Variants in MAGI2 observed in about 807,000 individuals in gnomAD.
MAGI2 encodes membrane-associated guanylate kinase, WW and PDZ domain-containing protein 2.
Under a neutral mutation model 133.3 loss-of-function variants are expected in MAGI2, and 35 were observed. The ratio of observed to expected loss-of-function variants is 0.26; its 90% confidence interval spans 0.20 to 0.35. MAGI2 has a LOEUF of 0.35. MAGI2 is among the 10% of genes least tolerant of loss of function. The pLI, the probability that MAGI2 is intolerant of heterozygous loss-of-function variation, is 1.00. For missense variants in MAGI2, 1,636 were observed against 1,863.4 expected (o/e 0.88, Z 2.25); for synonymous variants, 729 against 710.6 (o/e 1.03, Z -0.41).
At chr7:78,170,715 T>G (rs1470039909) in intron 14 of MAGI2, 1 of 152,062 alleles carries the variant, frequency 6.6e-6, no homozygotes, top group Non-Finnish European at 1.5e-5. Context: ...TATATTTATT[T>G]CTAAATAGGC....
intron 7 of MAGI2, among the ~76,000 whole-genome samples, chr7:78,349,709 T>A (rs562812842): frequency 6.6e-6 from 1 of 152,300 alleles, no homozygotes; most frequent in Admixed American, 6.5e-5. Context: ...ACAGAACATT[T>A]CCATTGTCAC....
intron 21 of MAGI2, among the ~76,000 whole-genome samples, chr7:78,041,736 T>A (rs1308437323): frequency 6.6e-6 from 1 of 152,176 alleles, no homozygotes; most frequent in Non-Finnish European, 1.5e-5. Flanking sequence ...GCTTCCTGAA[T>A]GCCAGTTGGT....
rs115112916 is a variant in MAGI2 at position 79,453,347 on chromosome 7, C to T, written c.-27G>A. On this transcript the variant is annotated 5_prime_UTR_variant, in exon 1 of 22. Transcript: ENST00000354212. Reference sequence around the variant, plus strand: ...GCAGTGGGGCGAGTCGCCTCAGTTCCTGGGCTCCTTGGGGTTAGGGGGGCT... The same window carrying T: ...GCAGTGGGGCGAGTCGCCTCAGTTCTTGGGCTCCTTGGGGTTAGGGGGGCT... The T allele has an allele frequency of 3.4e-3, 5,308 of 1,581,346 alleles. 87 individuals are homozygous for T. In the African/African-American group the frequency reaches 0.042, roughly 12 times the overall value.
At chr7:79,145,222 T>C (rs1047305920) in intron 1 of MAGI2, among the ~76,000 whole-genome samples, 4 of 152,210 alleles carry the variant, frequency 2.6e-5, no homozygotes, top group African/African-American at 9.7e-5. Flanking sequence ...ATTTTTCTGT[T>C]AGAAATATAC....
At chr7:78,949,488 A>T (rs1348682767) in intron 2 of MAGI2, among the ~76,000 whole-genome samples, 1 of 152,194 alleles carries the variant, frequency 6.6e-6, no homozygotes, top group Non-Finnish European at 1.5e-5. Context: ...ATGGCCATTG[A>T]TAAGAAGGGT....
chr7:78,924,755 C>T (rs1427749708), intron 2 of MAGI2, among the ~76,000 whole-genome samples: 1 of 151,796 alleles, frequency 6.6e-6, no homozygotes, highest in Non-Finnish European at 1.5e-5. Flanking sequence ...GTGCCTATTG[C>T]CCAGGAAAAG....
chr7:79,005,351 A>G (rs1249097539), intron 2 of MAGI2, among the ~76,000 whole-genome samples: 1 of 152,126 alleles, frequency 6.6e-6, no homozygotes, highest in Non-Finnish European at 1.5e-5. Flanking sequence ...AGGATTTCCA[A>G]TTAAATTTAT....
intron 3 of MAGI2, among the ~76,000 whole-genome samples, chr7:78,580,205 T>C (rs1206158593): frequency 6.6e-6 from 1 of 152,136 alleles, no homozygotes; most frequent in Non-Finnish European, 1.5e-5. Flanking sequence ...ATTAATAAGA[T>C]AGATCAAAAA....
intron 2 of MAGI2, among the ~76,000 whole-genome samples, chr7:78,682,810 T>C (rs1355571019): frequency 6.6e-6 from 1 of 152,184 alleles, no homozygotes; most frequent in Non-Finnish European, 1.5e-5. Flanking sequence ...TAAATCATTG[T>C]ACTATTGATG....
At chr7:79,093,938 C>T (rs938737438) in intron 1 of MAGI2, among the ~76,000 whole-genome samples, 1 of 152,180 alleles carries the variant, frequency 6.6e-6, no homozygotes, top group South Asian at 2.1e-4. Context: ...TGGTCTCAAA[C>T]TCCTGACCTC....
chr7:79,214,271 T>TA (rs1829763341), intron 1 of MAGI2, among the ~76,000 whole-genome samples: 1 of 150,354 alleles, frequency 6.7e-6, no homozygotes, highest in Non-Finnish European at 1.5e-5. Context: ...GAACAAGCCT[T>TA]TTGATGGGCA....
chr7:78,794,589 C>G (rs1487670028), intron 2 of MAGI2, among the ~76,000 whole-genome samples: 1 of 144,050 alleles, frequency 6.9e-6, no homozygotes. Context: ...TTTACTTGTC[C>G]TGTTCATGCA....
At chr7:78,508,662 A>G (rs1474162050) in intron 4 of MAGI2, among the ~76,000 whole-genome samples, 1 of 152,138 alleles carries the variant, frequency 6.6e-6, no homozygotes, top group African/African-American at 2.4e-5. Context: ...TGTGCATGTA[A>G]GCATGCTCTC....
chr7:79,310,923 C>T (rs1264577211), intron 1 of MAGI2, among the ~76,000 whole-genome samples: 2 of 141,972 alleles, frequency 1.4e-5, no homozygotes, highest in Admixed American at 7.6e-5. Context: ...TCCCATATTT[C>T]TCTCACTTTA....
intron 21 of MAGI2, chr7:78,065,593 A>G (rs1276386926): frequency 4.3e-6 from 3 of 696,640 alleles, no homozygotes; most frequent in Non-Finnish European, 7.8e-6. Flanking sequence ...AGGGTGGCCC[A>G]ATAAGTAGAA....
At chr7:78,343,641 C>T in intron 9 of MAGI2, 137 bp downstream of exon 9, 2 of 541,180 alleles carry the variant, frequency 3.7e-6, no homozygotes, top group Non-Finnish European at 5.8e-6. Context: ...TTAGGGGAAA[C>T]ATAATTTATG....
At chr7:79,356,483 A>C (rs1004024909) in intron 1 of MAGI2, among the ~76,000 whole-genome samples, 2 of 152,194 alleles carry the variant, frequency 1.3e-5, no homozygotes, top group Non-Finnish European at 2.9e-5. Context: ...AAGCAAAAAA[A>C]GTTTCCAAAT....
intron 2 of MAGI2, among the ~76,000 whole-genome samples, chr7:78,858,892 A>G (rs1793898523): frequency 6.6e-6 from 1 of 152,052 alleles, no homozygotes; most frequent in African/African-American, 2.4e-5. Flanking sequence ...GTAGGTCTCT[A>G]AGGACTTGCT....
At chr7:79,304,045 G>A (rs73704120) in intron 1 of MAGI2, among the ~76,000 whole-genome samples, 2,445 of 152,198 alleles carry the variant, frequency 0.016, 55 homozygotes, top group African/African-American at 0.057. Flanking sequence ...GAGAGGGACA[G>A]AATCTCCATT....
Sources: allele counts gnomAD v4.1 joint callset (sites outside exome capture counted in the v4.1 genomes callset), GRCh38; gene constraint gnomAD v4.1.1; transcripts MANE v1.5; gene names NCBI Gene and HGNC (gene_info 2026-07-23, HGNC 2026-07-21).